The following LRRTM4 variants were observed in gnomAD, a reference collection of about 807,000 sequenced individuals.
LRRTM4 encodes leucine-rich repeat transmembrane neuronal protein 4.
A neutral mutation model predicts 47.6 loss-of-function variants in LRRTM4; 25 were observed. The ratio of observed to expected loss-of-function variants is 0.53; its 90% CI spans 0.38 to 0.73. LRRTM4 has a LOEUF of 0.73. Ranked by LOEUF, LRRTM4 falls within the 30% of genes least tolerant of loss-of-function variation. The pLI is 0.00. For missense variants in LRRTM4, 638 were observed against 713.4 expected (o/e 0.89, Z 1.20); for synonymous variants, 311 against 269.5 (o/e 1.15, Z -1.51).
chr2:76,974,223 C>CATAT (rs1294649444), intron 3 of LRRTM4, among the ~76,000 whole-genome samples: 9 of 115,998 alleles, frequency 7.8e-5, no homozygotes, highest in African/African-American at 3.8e-4. Flanking sequence ...CATATATATA[C>CATAT]ATACATATAT....
Position 77,274,118 on chromosome 2 carries a change from T to C in LRRTM4, c.1551+244200A>G, listed in dbSNP as rs576209585. On this transcript the variant is annotated intron_variant, in intron 3 of 3. Coordinates refer to ENST00000409884, the MANE Select transcript of LRRTM4 (RefSeq NM_001134745.3). ...CCCTCACACTCTGTTATGTATTGCTTTCTCTGTCTCTCATATATGATCACA... is the reference window on the plus strand; with the variant it reads ...CCCTCACACTCTGTTATGTATTGCTCTCTCTGTCTCTCATATATGATCACA... Among the ~76,000 whole-genome samples the C allele has an allele frequency of 4.3e-4, 66 of 152,136 alleles. 2 individuals carry two copies. In the South Asian group the frequency reaches 0.013, roughly 31 times the overall value.
At chr2:77,118,718 G>A (rs1483868343) in intron 3 of LRRTM4, among the ~76,000 whole-genome samples, 1 of 151,772 alleles carries the variant, frequency 6.6e-6, no homozygotes, top group African/African-American at 2.4e-5. Context: ...CATGCTACTT[G>A]ATTTGTTATT....
intron 3 of LRRTM4, among the ~76,000 whole-genome samples, chr2:77,486,141 C>A (rs1415947415): frequency 1.3e-5 from 2 of 152,130 alleles, no homozygotes; most frequent in African/African-American, 4.8e-5. Flanking sequence ...GCCATAAAGA[C>A]TATTTTAATT....
At chr2:77,179,181 T>G (rs1248946713) in intron 3 of LRRTM4, among the ~76,000 whole-genome samples, 1 of 152,140 alleles carries the variant, frequency 6.6e-6, no homozygotes, top group Non-Finnish European at 1.5e-5. Flanking sequence ...CAATAAGTGG[T>G]AAAGAAGCAA....
chr2:76,787,115 G>C (rs1412731665), intron 3 of LRRTM4, among the ~76,000 whole-genome samples: 2 of 151,990 alleles, frequency 1.3e-5, no homozygotes, highest in Non-Finnish European at 2.9e-5. Flanking sequence ...CAAGGGAAAT[G>C]AAAGGACTGT....
intron 3 of LRRTM4, among the ~76,000 whole-genome samples, chr2:77,361,907 A>C (rs1332552093): frequency 2.0e-5 from 3 of 152,044 alleles, no homozygotes; most frequent in African/African-American, 7.3e-5. Flanking sequence ...CAACATGGTG[A>C]AACCCCATCT....
At chr2:76,938,701 A>G (rs1242465588) in intron 3 of LRRTM4, among the ~76,000 whole-genome samples, 1 of 152,144 alleles carries the variant, frequency 6.6e-6, no homozygotes, top group East Asian at 1.9e-4. Context: ...GAGGTCTTAG[A>G]ATACACTTCT....
intron 3 of LRRTM4, among the ~76,000 whole-genome samples, chr2:77,076,230 G>C (rs1184120589): frequency 6.6e-6 from 1 of 152,132 alleles, no homozygotes; most frequent in Non-Finnish European, 1.5e-5. Context: ...ACTGTCCTTG[G>C]AAGATAGAAA....
chr2:77,045,719 G>C (rs978094235), intron 3 of LRRTM4, among the ~76,000 whole-genome samples: 21 of 151,916 alleles, frequency 1.4e-4, no homozygotes, highest in Non-Finnish European at 1.5e-5. Flanking sequence ...TGATTGTGAG[G>C]CTTCTCCAGC....
chr2:77,105,515 G>A (rs1310259574), intron 3 of LRRTM4, among the ~76,000 whole-genome samples: 1 of 129,854 alleles, frequency 7.7e-6, no homozygotes, highest in Non-Finnish European at 1.6e-5. Context: ...GTTGTGGGGT[G>A]GGGGGAGGGG....
Position 77,083,425 on chromosome 2 carries a change from G to C in LRRTM4, c.1552-334509C>G, listed in dbSNP as rs147272287. Among the ~76,000 whole-genome samples, 1,211 of 152,174 alleles carry C rather than the reference G, an allele frequency of 8.0e-3. 5 individuals carry two copies. Among genetic ancestry groups the C allele is most frequent in the Non-Finnish European group, 0.014 (939 of 68,006 alleles). On this transcript the variant is annotated intron_variant, in intron 3 of 3. Transcript: ENST00000409884. ...TAAGATGTGCCATAGACTGAAGTCA[G>C]AACTTGTAGTCAATAAAAAATCTAC...
At chr2:77,145,562 A>T (rs1672234635) in intron 3 of LRRTM4, among the ~76,000 whole-genome samples, 1 of 151,234 alleles carries the variant, frequency 6.6e-6, no homozygotes, top group Non-Finnish European at 1.5e-5. Context: ...AGGCCGGGAG[A>T]TCGAGACCAT....
At chr2:77,140,272 CA>C (rs1402366960) in intron 3 of LRRTM4, among the ~76,000 whole-genome samples, 46 of 152,222 alleles carry the variant, frequency 3.0e-4, no homozygotes, top group African/African-American at 1.1e-3. Flanking sequence ...GGTACCAAAA[CA>C]AAGATATAGA....
At chr2:76,845,951 T>C (rs1671826417) in intron 3 of LRRTM4, among the ~76,000 whole-genome samples, 1 of 152,164 alleles carries the variant, frequency 6.6e-6, no homozygotes, top group East Asian at 1.9e-4. Context: ...AGATTTGAAC[T>C]GCATAGATCC....
chr2:77,101,664 T>G (rs1420186796), intron 3 of LRRTM4, among the ~76,000 whole-genome samples: 1 of 152,198 alleles, frequency 6.6e-6, no homozygotes, highest in Non-Finnish European at 1.5e-5. Flanking sequence ...CACATAGGAA[T>G]TCTGATTTAC....
intron 3 of LRRTM4, among the ~76,000 whole-genome samples, chr2:77,058,922 AG>A (rs1442081791): frequency 6.6e-6 from 1 of 152,086 alleles, no homozygotes; most frequent in African/African-American, 2.4e-5. Context: ...TTTAAAATGG[AG>A]TTTCTATAAA....
intron 3 of LRRTM4, among the ~76,000 whole-genome samples, chr2:76,925,642 T>C (rs1218692018): frequency 6.6e-6 from 1 of 152,108 alleles, no homozygotes; most frequent in Admixed American, 6.6e-5. Context: ...TTCTTAACCA[T>C]TCACTCTGTG....
chr2:77,076,634 T>A (rs1346588662), intron 3 of LRRTM4, among the ~76,000 whole-genome samples: 1 of 152,206 alleles, frequency 6.6e-6, no homozygotes, highest in East Asian at 1.9e-4. Context: ...ATGGTTAATG[T>A]CACTGAATGT....
chr2:77,191,604 A>G (rs1201629954), intron 3 of LRRTM4, among the ~76,000 whole-genome samples: 1 of 151,910 alleles, frequency 6.6e-6, no homozygotes, highest in Non-Finnish European at 1.5e-5. Flanking sequence ...GATTACCATT[A>G]TAAGAAACAC....
Sources: gnomAD v4.1 joint callset for allele counts (sites outside exome capture counted in the v4.1 genomes callset) on GRCh38, gnomAD v4.1.1 for gene constraint, MANE v1.5 for transcripts, NCBI Gene and HGNC (gene_info 2026-07-23, HGNC 2026-07-21) for gene names.